ABCC4: variants seen among roughly 807,000 people sequenced by gnomAD.
ABCC4 encodes ATP binding cassette subfamily C member 4 (PEL blood group).
Under a neutral mutation model 168.5 loss-of-function variants are expected in ABCC4, and 102 were observed. The ratio of observed to expected loss-of-function variants is 0.61; its 90% confidence interval spans 0.52 to 0.71. The LOEUF (loss-of-function observed/expected upper bound fraction) is 0.71. Ranked by LOEUF, ABCC4 falls within the 30% of genes least tolerant of loss-of-function variation. ABCC4 has a pLI of 0.00. For synonymous variants in ABCC4, 617 were observed against 590.7 expected, an observed-to-expected ratio of 1.04 and a Z score of -0.65; for missense variants, 1,402 against 1,605.8, an observed-to-expected ratio of 0.87 and a Z score of 2.17.
chr13:95,057,436 T>TA (rs1264976789), intron 26 of ABCC4, among the ~76,000 whole-genome samples: 1 of 152,116 alleles, frequency 6.6e-6, no homozygotes, highest in African/African-American at 2.4e-5. Flanking sequence ...GACGGGGTTT[T>TA]ACCATGTTGG....
At chr13:95,036,882 G>A (rs960079937) in intron 29 of ABCC4, among the ~76,000 whole-genome samples, 1 of 151,878 alleles carries the variant, frequency 6.6e-6, no homozygotes, top group South Asian at 2.1e-4. Context: ...CCAGGAGTTT[G>A]AAACCAGCCT....
intron 3 of ABCC4, among the ~76,000 whole-genome samples, chr13:95,236,961 C>A (rs1048725779): frequency 1.3e-5 from 2 of 152,200 alleles, no homozygotes; most frequent in African/African-American, 4.8e-5. Flanking sequence ...AGGGCCGCAG[C>A]AGACACACCT....
chr13:95,290,054 C>T (rs1282890399), intron 1 of ABCC4, among the ~76,000 whole-genome samples: 1 of 151,868 alleles, frequency 6.6e-6, no homozygotes, highest in African/African-American at 2.4e-5. Context: ...CAAGATCACA[C>T]CATTCCACTC....
intron 19 of ABCC4, among the ~76,000 whole-genome samples, chr13:95,130,304 A>G (rs1259760051): frequency 3.9e-5 from 6 of 152,200 alleles, no homozygotes; most frequent in African/African-American, 1.4e-4. Flanking sequence ...AAAAACTGGA[A>G]AGCCTTAATA....
intron 25 of ABCC4, among the ~76,000 whole-genome samples, chr13:95,069,218 G>A (rs2033645680): frequency 6.6e-6 from 1 of 152,118 alleles, no homozygotes; most frequent in African/African-American, 2.4e-5. Context: ...TGTGTGTTTT[G>A]TTACCGATTT....
At position 95,150,166 on chromosome 13, in the gene ABCC4, A is replaced by G. The variant is rs547694386; in HGVS notation, c.2455+11023T>C. Reference sequence around the variant, plus strand: ...TTTTTTTTAGAGATGGGGTCTTGCTATTGTCCGAGCTGCTTTCAAACTCCT... The same window carrying G: ...TTTTTTTTAGAGATGGGGTCTTGCTGTTGTCCGAGCTGCTTTCAAACTCCT... On this transcript the variant is annotated intron_variant, in intron 19 of 30. Transcript: ENST00000645237. 2.6e-5 allele frequency among the ~76,000 whole-genome samples: 4 copies of G among 152,064 alleles called. No individual in the cohort carries two copies. In the South Asian group the frequency reaches 8.3e-4, roughly 32 times the overall value.
At chr13:95,239,625 G>T (rs1289979448) in intron 3 of ABCC4, among the ~76,000 whole-genome samples, 2 of 152,244 alleles carry the variant, frequency 1.3e-5, no homozygotes, top group Non-Finnish European at 2.9e-5. Flanking sequence ...TAACTGTAAT[G>T]AACAGCACAT....
chr13:95,209,693 G>T, intron 5 of ABCC4, 96 bp from the exon 6 acceptor site: 1 of 1,221,360 alleles, frequency 8.2e-7, no homozygotes, highest in Non-Finnish European at 1.1e-6. Flanking sequence ...GAACAGGCAA[G>T]ATCCTAAACA....
At chr13:95,285,925 T>C (rs1377651355) in intron 1 of ABCC4, among the ~76,000 whole-genome samples, 1 of 152,044 alleles carries the variant, frequency 6.6e-6, no homozygotes, top group Non-Finnish European at 1.5e-5. Flanking sequence ...ATTGCGTGCC[T>C]CCAGTCAAGA....
At chr13:95,268,785 C>A (rs1196911927) in intron 1 of ABCC4, among the ~76,000 whole-genome samples, 2 of 152,140 alleles carry the variant, frequency 1.3e-5, no homozygotes, top group Non-Finnish European at 2.9e-5. Context: ...CTGCCACATC[C>A]CCCTCTCCGA....
At chr13:95,180,886 C>G (rs745944484) in intron 11 of ABCC4, among the ~76,000 whole-genome samples, 1 of 152,202 alleles carries the variant, frequency 6.6e-6, no homozygotes, top group Non-Finnish European at 1.5e-5. Flanking sequence ...GGTAGTAGCA[C>G]TTTGAGTACT....
chr13:95,274,320 C>T (rs2040918738), intron 1 of ABCC4, among the ~76,000 whole-genome samples: 1 of 152,246 alleles, frequency 6.6e-6, no homozygotes, highest in Admixed American at 6.5e-5. Context: ...CTGTCCTTCC[C>T]AGAGCTGGCC....
chr13:95,021,013 G>A lies in ABCC4; in HGVS notation c.*562C>T, dbSNP rs1245035084. ...ATGTATCCATTTTTTTTTTTGATGG[G>A]GAGTAAGGGGTACACACTCCCTACT... On this transcript the variant is annotated 3_prime_UTR_variant, in exon 31 of 31. Coordinates refer to ENST00000645237, the MANE Select transcript of ABCC4 (RefSeq NM_005845.5). 6.6e-6 allele frequency: 1 copy of A among 151,718 alleles called. No individual in the cohort carries two copies. The highest frequency in any genetic ancestry group is 1.5e-5 in the Non-Finnish European group (1 of 67,908). The allele number at this position is 151,718 out of a possible 1,614,324, so 9.4% of individuals were successfully genotyped here. A position where few individuals can be genotyped will look rare whatever the true frequency, so the allele number is the denominator to read the frequency against.
chr13:95,221,786 T>C (rs2039317097), intron 4 of ABCC4, among the ~76,000 whole-genome samples: 1 of 152,088 alleles, frequency 6.6e-6, no homozygotes, highest in Admixed American at 6.5e-5. Flanking sequence ...ATTTAAAAAC[T>C]GAATTAATAT....
intron 26 of ABCC4, among the ~76,000 whole-genome samples, chr13:95,061,329 A>G (rs1372185126): frequency 6.6e-6 from 1 of 152,184 alleles, no homozygotes; most frequent in South Asian, 2.1e-4. Flanking sequence ...TCCCACCAAC[A>G]GTGCACAGGG....
At chr13:95,270,681 C>T (rs1478684547) in intron 1 of ABCC4, among the ~76,000 whole-genome samples, 3 of 152,158 alleles carry the variant, frequency 2.0e-5, no homozygotes, top group South Asian at 4.1e-4. Context: ...AGCATGAGAA[C>T]CTGTGTTTCT....
chr13:95,042,933 G>C (rs1031898595), intron 29 of ABCC4, among the ~76,000 whole-genome samples: 6 of 152,066 alleles, frequency 3.9e-5, no homozygotes, highest in African/African-American at 1.4e-4. Context: ...CCACATCCAG[G>C]TAATCTTTGT....
intron 29 of ABCC4, among the ~76,000 whole-genome samples, chr13:95,037,950 C>T (rs1412088230): frequency 6.6e-6 from 1 of 152,000 alleles, no homozygotes; most frequent in East Asian, 1.9e-4. Context: ...ACTGCAACCT[C>T]CACCTCCTGG....
chr13:95,106,311 GCTT>G (rs913163963), intron 20 of ABCC4, among the ~76,000 whole-genome samples: 5 of 151,692 alleles, frequency 3.3e-5, no homozygotes, highest in African/African-American at 1.2e-4. Context: ...CGGTTTAATT[GCTT>G]CTTGAGGGGT....
Sources: gnomAD v4.1 joint callset for allele counts (sites outside exome capture counted in the v4.1 genomes callset) on GRCh38, gnomAD v4.1.1 for gene constraint, MANE v1.5 for transcripts, NCBI Gene and HGNC (gene_info 2026-07-23, HGNC 2026-07-21) for gene names.